RANBP2: variants seen among roughly 807,000 people sequenced by gnomAD.
RANBP2 encodes E3 SUMO-protein ligase RanBP2.
A neutral mutation model predicts 303.6 loss-of-function variants in RANBP2; 57 were observed. The ratio of observed to expected loss-of-function variants is 0.19; its 90% CI spans 0.15 to 0.23. The LOEUF (loss-of-function observed/expected upper bound fraction) is 0.23, where lower values mean the gene tolerates loss of function less well. Among genes scored for constraint, RANBP2 ranks in the 10% least tolerant of loss-of-function variants. The probability of loss-of-function intolerance (pLI) is 1.00; values close to 1 mark genes in which losing one functional copy is unlikely to be tolerated. For missense variants in RANBP2, 3,138 were observed against 3,780.8 expected, an observed-to-expected ratio of 0.83 and a Z score of 4.46; for synonymous variants, 1,167 against 1,301.5, an observed-to-expected ratio of 0.90 and a Z score of 2.23.
the RANBP2 span, among the ~76,000 whole-genome samples, chr2:109,150,370 G>A: frequency 6.6e-6 from 1 of 151,962 alleles, no homozygotes; most frequent in Non-Finnish European, 1.5e-5. Flanking sequence ...ACCATGCTAG[G>A]GATTTTTGTC....
chr2:109,233,811 G>T, the RANBP2 span, among the ~76,000 whole-genome samples: 1 of 152,224 alleles, frequency 6.6e-6, no homozygotes, highest in South Asian at 2.1e-4. Context: ...AGAGTATGTA[G>T]CTCTTGAGTC....
chr2:109,000,628 T>G, the RANBP2 span, among the ~76,000 whole-genome samples: 1 of 152,154 alleles, frequency 6.6e-6, no homozygotes, highest in African/African-American at 2.4e-5. Context: ...AGTTGGAAAC[T>G]GGGGACGGCT....
the RANBP2 span, among the ~76,000 whole-genome samples, chr2:108,855,139 T>A: frequency 6.6e-6 from 1 of 152,196 alleles, no homozygotes; most frequent in Non-Finnish European, 1.5e-5. Flanking sequence ...TAAATTGCTC[T>A]TGTATTTAGA....
the RANBP2 span, among the ~76,000 whole-genome samples, chr2:109,420,130 A>G: frequency 1.3e-5 from 2 of 152,236 alleles, no homozygotes; most frequent in South Asian, 2.1e-4. Context: ...TAACCAGATG[A>G]ATCAGTGCTA....
At chr2:109,582,076 AC>A in the RANBP2 span, among the ~76,000 whole-genome samples, 1 of 7,404 alleles carries the variant, frequency 1.4e-4, no homozygotes, top group Non-Finnish European at 2.0e-4. Context: ...TGTACAACAG[AC>A]ACACACACAC....
the RANBP2 span, among the ~76,000 whole-genome samples, chr2:109,547,786 A>G: frequency 6.6e-6 from 1 of 152,224 alleles, no homozygotes; most frequent in Non-Finnish European, 1.5e-5. Flanking sequence ...CGTTTTTACC[A>G]TGATGGCTGG....
chr2:108,890,156 TTGAGTA>T, the RANBP2 span, among the ~76,000 whole-genome samples: 1 of 151,848 alleles, frequency 6.6e-6, no homozygotes, highest in Non-Finnish European at 1.5e-5. Flanking sequence ...TCTCAGCACT[TTGAGTA>T]TATCATACCA....
At chr2:109,386,965 G>A in the RANBP2 span, among the ~76,000 whole-genome samples, 1 of 152,124 alleles carries the variant, frequency 6.6e-6, no homozygotes, top group Admixed American at 6.5e-5. Flanking sequence ...TGTTTCTAAT[G>A]ACTTTTTCTG....
At chr2:108,811,984 A>G in the RANBP2 span, among the ~76,000 whole-genome samples, 2 of 152,170 alleles carry the variant, frequency 1.3e-5, no homozygotes, top group South Asian at 2.1e-4. Flanking sequence ...TATTCTATTC[A>G]TGGTGTATAT....
the RANBP2 span, among the ~76,000 whole-genome samples, chr2:109,124,060 G>A: frequency 6.6e-6 from 1 of 151,896 alleles, no homozygotes; most frequent in Non-Finnish European, 1.5e-5. Flanking sequence ...GCCCAGGCTA[G>A]AGTACGGTGG....
At chr2:109,618,123 G>A in the RANBP2 span, 2 of 166,836 alleles carry the variant, frequency 1.2e-5, no homozygotes, top group African/African-American at 4.8e-5. Flanking sequence ...AATTTGAGAA[G>A]CACTTATGCA....
At chr2:108,910,103 C>T in the RANBP2 span, among the ~76,000 whole-genome samples, 4 of 152,200 alleles carry the variant, frequency 2.6e-5, no homozygotes, top group Non-Finnish European at 5.9e-5. Flanking sequence ...GGCACCGGCA[C>T]GGGTGGTACT....
At chr2:109,187,276 C>T in the RANBP2 span, among the ~76,000 whole-genome samples, 7 of 152,038 alleles carry the variant, frequency 4.6e-5, no homozygotes, top group Admixed American at 2.6e-4. Flanking sequence ...AAAAACTCTT[C>T]GATCTGATGT....
the RANBP2 span, among the ~76,000 whole-genome samples, chr2:109,307,459 C>G: frequency 6.7e-6 from 1 of 149,682 alleles, no homozygotes; most frequent in African/African-American, 2.5e-5. Context: ...TTTTAGGGTA[C>G]ATGTGCACAT....
chr2:109,025,792 C>T, the RANBP2 span, among the ~76,000 whole-genome samples: 5 of 147,834 alleles, frequency 3.4e-5, no homozygotes, highest in South Asian at 2.2e-4. Context: ...AGCGAGACTC[C>T]GTCTCGAAAA....
At chr2:109,587,469 A>G in the RANBP2 span, among the ~76,000 whole-genome samples, 7 of 152,084 alleles carry the variant, frequency 4.6e-5, no homozygotes, top group Admixed American at 4.6e-4. Flanking sequence ...GGAGGGAGGG[A>G]AAAAAATATC....
the RANBP2 span, among the ~76,000 whole-genome samples, chr2:109,182,287 T>G: frequency 6.6e-6 from 1 of 152,330 alleles, no homozygotes; most frequent in East Asian, 1.9e-4. Context: ...TGAGATAGTA[T>G]GTGTGCATGT....
At chr2:108,816,125 A>G in the RANBP2 span, 79 of 1,547,992 alleles carry the variant, frequency 5.1e-5, no homozygotes, top group African/African-American at 2.7e-5. Context: ...TTAATTTGAA[A>G]TATGTGATTC....
At chr2:108,846,999 C>A in the RANBP2 span, 3 of 856,354 alleles carry the variant, frequency 3.5e-6, no homozygotes, top group East Asian at 2.5e-5. Flanking sequence ...TAAAGCAATT[C>A]TTTTATCAAA....
Sources: gnomAD v4.1 joint callset for allele counts (sites outside exome capture counted in the v4.1 genomes callset) on GRCh38, gnomAD v4.1.1 for gene constraint, MANE v1.5 for transcripts, NCBI Gene and HGNC (gene_info 2026-07-23, HGNC 2026-07-21) for gene names.